BLMH: variants seen among roughly 807,000 people sequenced by gnomAD.
BLMH encodes the protein BLM hydrolase.
A neutral mutation model predicts 61.6 loss-of-function variants in BLMH; 32 were observed. That is an observed-to-expected ratio of 0.52 (90% confidence interval 0.39 to 0.70). The LOEUF is 0.70. Ranked by LOEUF, BLMH falls within the 30% of genes least tolerant of loss-of-function variation. The pLI, the probability that BLMH is intolerant of heterozygous loss-of-function variation, is 0.00. For synonymous variants in BLMH, 183 were observed against 193.8 expected, an observed-to-expected ratio of 0.94 and a Z score of 0.46; for missense variants, 460 against 555.5, an observed-to-expected ratio of 0.83 and a Z score of 1.73.
intron 7 of BLMH, 104 bp from the exon 8 acceptor site, chr17:30,273,003 C>T: frequency 7.7e-7 from 1 of 1,305,594 alleles, no homozygotes; most frequent in Non-Finnish European, 1.1e-6. Flanking sequence ...ATCATCTCTG[C>T]CTACAAGCTA....
chr17:30,269,161 T>TTTTA (rs1363041006), intron 10 of BLMH, among the ~76,000 whole-genome samples: 1 of 150,926 alleles, frequency 6.6e-6, no homozygotes, highest in Admixed American at 6.6e-5. Context: ...TTTTCATGTA[T>TTTTA]TTTATTTATT....
In BLMH at chr17:30,289,355, G is replaced by C. The variant is rs1178004014; in HGVS notation, c.321+18C>G. 2 of 1,506,268 alleles carry C rather than the reference G, an allele frequency of 1.3e-6. No individual in the cohort carries two copies. Among genetic ancestry groups the C allele is most frequent in the African/African-American group, 1.4e-5 (1 of 71,814 alleles). The allele number at this position is 1,506,268 out of a possible 1,614,324, so 93.3% of individuals were successfully genotyped here. A position where few individuals can be genotyped will look rare whatever the true frequency, so the allele number is the denominator to read the frequency against. ...CTGATATCAATACAAAAAGAATCTT[G>C]CCAGATCTGTCCCATACCTTGTCCC... On this transcript the variant is annotated intron_variant, in intron 3 of 11. Transcript: ENST00000261714.
At chr17:30,254,945 C>T (rs1907773887) in intron 11 of BLMH, among the ~76,000 whole-genome samples, 1 of 152,196 alleles carries the variant, frequency 6.6e-6, no homozygotes, top group Non-Finnish European at 1.5e-5. Flanking sequence ...CAATTAATCT[C>T]TTTCCTTACT....
intron 11 of BLMH, among the ~76,000 whole-genome samples, chr17:30,260,601 C>T (rs1218183854): frequency 2.0e-5 from 3 of 152,066 alleles, no homozygotes; most frequent in Non-Finnish European, 2.9e-5. Flanking sequence ...CTGAGAGGGC[C>T]GGGCGTGATG....
chr17:30,272,824 C>G lies in BLMH; in HGVS notation c.877G>C (p.Val293Leu). ...LYTVEYLSNMVGGRKTLYNNQ... is the reference protein window; with the variant it reads ...LYTVEYLSNMLGGRKTLYNNQ... ...TTGTATAGAGTTTTTCTCCCTCCAA[C>G]CATATTGCTTAAGTATTCCACTGTG... The change falls in exon 8 of 12, where the codon GTT becomes CTT. Residue 293 changes from valine (V) to leucine (L), a missense_variant. Physicochemically the swap from Val to Leu is conservative, Grantham distance 32. Around this residue, in one of 5 missense-constraint regions of BLMH, gnomAD observed 310 missense variants for 371.1 expected, o/e 0.84. Transcript: ENST00000261714. 6.2e-7 allele frequency: 1 copy of G among 1,614,126 alleles called. No homozygotes were observed. Among genetic ancestry groups the G allele is most frequent in the Non-Finnish European group, 8.5e-7 (1 of 1,180,032 alleles).
intron 4 of BLMH, 34 bp downstream of exon 4, chr17:30,287,772 T>C: frequency 6.2e-7 from 1 of 1,610,428 alleles, no homozygotes. Context: ...TTAATCATGC[T>C]GAGTTTCAGT....
In BLMH at chr17:30,272,760, G is replaced by A. The variant is rs372310785; in HGVS notation, c.941C>T (p.Ala314Val). Residue 314 changes from alanine to valine, a missense_variant, in exon 8 of 12, where the codon GCC becomes GTC. Physicochemically the swap from Ala to Val is moderately conservative, Grantham distance 64 (BLOSUM62 0). This residue lies in a region of BLMH where 310 missense variants were observed against 371.1 expected (regional missense o/e 0.84). Coordinates refer to ENST00000261714, the MANE Select transcript of BLMH (RefSeq NM_000386.4). ...PIDFLKKMVA[A>V]SIKDGEAVWF... ...ACCAACCTCTCCATCTTTGATGGAG[G>A]CAGCAACCATCTTTTTCAGGAAGTC... The A allele has an allele frequency of 4.1e-5, 66 of 1,614,138 alleles. No individual in the cohort carries two copies. In the African/African-American group the frequency reaches 7.5e-4, roughly 18 times the overall value.
intron 9 of BLMH, 75 bp from the exon 10 acceptor site, chr17:30,271,463 T>C (rs1908269713): frequency 1.7e-6 from 2 of 1,180,088 alleles, no homozygotes; most frequent in African/African-American, 3.0e-5. Context: ...GTAAAAGGAA[T>C]TCAGAAGAAA....
chr17:30,266,636 G>A (rs1908118458), intron 11 of BLMH, among the ~76,000 whole-genome samples: 1 of 152,158 alleles, frequency 6.6e-6, no homozygotes, highest in Non-Finnish European at 1.5e-5. Context: ...CTACAAAGAG[G>A]GGAGGGTCAA....
intron 5 of BLMH, among the ~76,000 whole-genome samples, chr17:30,286,612 TG>T (rs1908734065): frequency 6.6e-6 from 1 of 152,178 alleles, no homozygotes; most frequent in Admixed American, 6.5e-5. Flanking sequence ...GAAATAAAAG[TG>T]GAAGTTTTTT....
intron 6 of BLMH, among the ~76,000 whole-genome samples, chr17:30,278,621 A>G (rs1908488021): frequency 6.6e-6 from 1 of 152,202 alleles, no homozygotes; most frequent in Non-Finnish European, 1.5e-5. Context: ...AATGCCTAGA[A>G]TAGTGTCAGA....
At chr17:30,277,271 C>A (rs8072345) in intron 6 of BLMH, among the ~76,000 whole-genome samples, 1 of 152,064 alleles carries the variant, frequency 6.6e-6, no homozygotes, top group East Asian at 1.9e-4. Context: ...CATAAGCAAC[C>A]GTAATTGAGT....
intron 7 of BLMH, chr17:30,273,371 TGGCCA>T (rs1908332483): frequency 6.2e-6 from 1 of 160,532 alleles, no homozygotes; most frequent in African/African-American, 2.4e-5. Context: ...TTCACCATGT[TGGCCA>T]GGCTGGTCTC....
intron 11 of BLMH, among the ~76,000 whole-genome samples, chr17:30,265,766 C>T (rs922828470): frequency 3.9e-5 from 6 of 152,178 alleles, no homozygotes; most frequent in African/African-American, 1.4e-4. Flanking sequence ...GCCCCCAGCA[C>T]ACATGAATCT....
intron 11 of BLMH, among the ~76,000 whole-genome samples, chr17:30,261,572 A>G (rs1442131525): frequency 1.9e-4 from 29 of 152,240 alleles, no homozygotes; most frequent in Admixed American, 1.9e-3. Flanking sequence ...CAAATTGTCC[A>G]TGTTATTGAC....
At chr17:30,258,845 T>C (rs1907884829) in intron 11 of BLMH, among the ~76,000 whole-genome samples, 1 of 152,240 alleles carries the variant, frequency 6.6e-6, no homozygotes, top group African/African-American at 2.4e-5. Context: ...AAAGTCTGCT[T>C]GTCGGTCACT....
Position 30,274,544 on chromosome 17 carries a change from T to A in BLMH, c.646-347A>T, listed in dbSNP as rs1457111732. On this transcript the variant is annotated intron_variant, in intron 6 of 11. Transcript: ENST00000261714. ...GTTGCTGCTCTGATTATTTTTCAAG[T>A]AACCAAAAAATGACAAATTTTATAA... Among the ~76,000 whole-genome samples, 3 of 152,338 alleles carry A rather than the reference T, an allele frequency of 2.0e-5. No individual in the cohort carries two copies. The East Asian group carries it at 5.8e-4, about 29-fold the overall frequency.
At position 30,266,931 on chromosome 17, in the gene BLMH, T is replaced by G; in HGVS notation, c.1170A>C (p.Thr390=). The G allele has an allele frequency of 6.2e-7, 1 of 1,614,138 alleles. No individual in the cohort carries two copies. The highest frequency in any genetic ancestry group is 8.5e-7 in the Non-Finnish European group (1 of 1,179,978). The change falls in exon 11 of 12, where the codon ACA becomes ACC. Residue 390 remains threonine (T), a synonymous_variant. Coordinates refer to ENST00000261714, the MANE Select transcript of BLMH (RefSeq NM_000386.4). ...SEKDDQDGAF[T]KWRVENSWGE... is the part of the protein sequence containing the mutation. ...CCCATGAATTCTCCACTCTCCATTT[T>G]GTGAAAGCACCATCCTGATCATCCT...
intron 6 of BLMH, among the ~76,000 whole-genome samples, chr17:30,274,894 G>A (rs377231665): frequency 6.6e-6 from 1 of 151,908 alleles, no homozygotes; most frequent in African/African-American, 2.4e-5. Context: ...AGGGAGGATC[G>A]CTTGAGCCCA....
Sources: allele counts gnomAD v4.1 joint callset (sites outside exome capture counted in the v4.1 genomes callset), GRCh38; gene constraint gnomAD v4.1.1; regional missense constraint gnomAD v4.1.1; transcripts MANE v1.5; gene names NCBI Gene and HGNC (gene_info 2026-07-23, HGNC 2026-07-21).